The following LRRC37A2 variants were observed in gnomAD, a reference collection of about 807,000 sequenced individuals.
The protein encoded by LRRC37A2 is leucine-rich repeat-containing protein 37A2.
In LRRC37A2, 9 loss-of-function variants were observed where a neutral mutation model predicts 68.8. That is an observed-to-expected ratio of 0.13 (90% confidence interval 0.08 to 0.23). LRRC37A2 has a LOEUF of 0.23. Among genes scored for constraint, LRRC37A2 ranks in the 10% least tolerant of loss-of-function variants. The probability of loss-of-function intolerance (pLI) is 1.00; values close to 1 mark genes in which losing one functional copy is unlikely to be tolerated. For missense variants in LRRC37A2, 168 were observed against 950.4 expected, an observed-to-expected ratio of 0.18 and a Z score of 10.82; for synonymous variants, 63 against 367.6, an observed-to-expected ratio of 0.17 and a Z score of 9.48.
chr17:46,724,705 C>T, the LRRC37A2 span, among the ~76,000 whole-genome samples: 6 of 152,174 alleles, frequency 3.9e-5, no homozygotes, highest in Non-Finnish European at 5.9e-5. Context: ...TTATTTTTGT[C>T]TTATTTATTA....
the LRRC37A2 span, among the ~76,000 whole-genome samples, chr17:46,861,307 G>T: frequency 6.6e-6 from 1 of 152,092 alleles, no homozygotes; most frequent in Non-Finnish European, 1.5e-5. Context: ...AGACCTCGGG[G>T]CCCTGCTGTT....
At chr17:46,768,768 T>C in the LRRC37A2 span, 1 of 1,613,994 alleles carries the variant, frequency 6.2e-7, no homozygotes, top group Non-Finnish European at 8.5e-7. The surrounding 1 kb of genome is among the most constrained non-coding windows in gnomAD (Gnocchi z 5.0). Flanking sequence ...CCCGTGGCAC[T>C]TGCATTTGAG....
At chr17:46,939,563 T>G in the LRRC37A2 span, 1 of 985,382 alleles carries the variant, frequency 1.0e-6, no homozygotes, top group Non-Finnish European at 1.2e-6. Flanking sequence ...CCTTAGAAAG[T>G]AGCTGTAGGC....
the LRRC37A2 span, among the ~76,000 whole-genome samples, chr17:46,787,573 G>A: frequency 1.3e-5 from 2 of 152,174 alleles, no homozygotes; most frequent in Non-Finnish European, 2.9e-5. Flanking sequence ...CTCATAGCAC[G>A]CAGATCGTTC....
the LRRC37A2 span, among the ~76,000 whole-genome samples, chr17:46,870,527 C>T: frequency 6.6e-6 from 1 of 152,222 alleles, no homozygotes; most frequent in Non-Finnish European, 1.5e-5. Flanking sequence ...CAGGCTAGGC[C>T]AACGGGAGCC....
chr17:46,731,600 G>A, the LRRC37A2 span, among the ~76,000 whole-genome samples: 3 of 152,124 alleles, frequency 2.0e-5, no homozygotes, highest in African/African-American at 7.2e-5. Flanking sequence ...CAAGGTACGT[G>A]GCCCAGCTTG....
the LRRC37A2 span, among the ~76,000 whole-genome samples, chr17:46,973,405 C>T: frequency 4.6e-5 from 7 of 152,136 alleles, no homozygotes; most frequent in Admixed American, 1.3e-4. Flanking sequence ...TCAAGTGATT[C>T]GCCCACCTTA....
chr17:47,029,576 T>C, the LRRC37A2 span, among the ~76,000 whole-genome samples: 4 of 152,248 alleles, frequency 2.6e-5, no homozygotes, highest in Non-Finnish European at 5.9e-5. Context: ...CAGCAGTTTC[T>C]GCACATGCTC....
the LRRC37A2 span, among the ~76,000 whole-genome samples, chr17:46,944,437 G>A: frequency 3.9e-5 from 6 of 152,078 alleles, no homozygotes; most frequent in East Asian, 3.9e-4. Flanking sequence ...CATGAGGCCC[G>A]AGTCACGTAG....
At chr17:46,942,712 C>T in the LRRC37A2 span, among the ~76,000 whole-genome samples, 3 of 152,230 alleles carry the variant, frequency 2.0e-5, no homozygotes, top group African/African-American at 7.2e-5. Flanking sequence ...CCCTAGGGGG[C>T]GGCATAGCCC....
chr17:46,991,180 T>A, the LRRC37A2 span, among the ~76,000 whole-genome samples: 2 of 152,220 alleles, frequency 1.3e-5, no homozygotes, highest in African/African-American at 2.4e-5. Context: ...GATGTCATCT[T>A]GAGATGATGT....
the LRRC37A2 span, among the ~76,000 whole-genome samples, chr17:46,478,475 AT>A: frequency 6.1e-5 from 5 of 81,392 alleles, no homozygotes; most frequent in African/African-American, 2.1e-4. Flanking sequence ...ACCTTTTCAC[AT>A]TTTCCCTTTC....
the LRRC37A2 span, chr17:46,934,897 A>G: frequency 1.2e-5 from 10 of 802,962 alleles, no homozygotes; most frequent in Non-Finnish European, 2.2e-5. Flanking sequence ...TTTCTTATCC[A>G]TTAGGGTCCG....
At chr17:46,772,609 A>G in the LRRC37A2 span, among the ~76,000 whole-genome samples, 3 of 152,246 alleles carry the variant, frequency 2.0e-5, no homozygotes, top group Non-Finnish European at 4.4e-5. Flanking sequence ...AGTTTTGGCA[A>G]TAGAAGCGTA....
the LRRC37A2 span, among the ~76,000 whole-genome samples, chr17:46,826,430 C>T: frequency 6.6e-6 from 1 of 152,344 alleles, no homozygotes; most frequent in Non-Finnish European, 1.5e-5. Flanking sequence ...TGGCATTTCC[C>T]ACATCCCAGC....
chr17:46,798,578 A>G, the LRRC37A2 span, among the ~76,000 whole-genome samples: 4 of 152,174 alleles, frequency 2.6e-5, no homozygotes, highest in Admixed American at 1.3e-4. Flanking sequence ...TCTCTCGCCT[A>G]AAGGTTGGAT....
the LRRC37A2 span, among the ~76,000 whole-genome samples, chr17:46,862,032 A>G: frequency 6.6e-6 from 1 of 151,960 alleles, no homozygotes; most frequent in African/African-American, 2.4e-5. Context: ...GCGTGGTGAC[A>G]GCCGCTTGTA....
chr17:46,771,648 G>C, the LRRC37A2 span, among the ~76,000 whole-genome samples: 99 of 144,134 alleles, frequency 6.9e-4, 3 homozygotes, highest in East Asian at 0.018. Flanking sequence ...CGCCGGGCCC[G>C]GGCCGCCGGG....
the LRRC37A2 span, among the ~76,000 whole-genome samples, chr17:46,895,296 C>CCTTATGAAA: frequency 6.6e-6 from 1 of 152,240 alleles, no homozygotes; most frequent in African/African-American, 2.4e-5. Flanking sequence ...GTACATGGAG[C>CCTTATGAAA]CTTATGAAGT....
Sources: allele counts gnomAD v4.1 joint callset (sites outside exome capture counted in the v4.1 genomes callset), GRCh38; gene constraint gnomAD v4.1.1; non-coding constraint Gnocchi (gnomAD v3.1); transcripts MANE v1.5; gene names NCBI Gene and HGNC (gene_info 2026-07-23, HGNC 2026-07-21).